DST: variants seen among roughly 807,000 people sequenced by gnomAD.
DST encodes the protein dystonin, also known as bullous pemphigoid antigen.
In DST, 253 loss-of-function variants were observed where a neutral mutation model predicts 875.2. The ratio of observed to expected loss-of-function variants is 0.29; its 90% CI spans 0.26 to 0.32. The LOEUF (loss-of-function observed/expected upper bound fraction) is 0.32, where lower values mean the gene tolerates loss of function less well. Ranked by LOEUF, DST falls within the 10% of genes least tolerant of loss-of-function variation. The probability of loss-of-function intolerance (pLI) is 1.00; values close to 1 mark genes in which losing one functional copy is unlikely to be tolerated. For synonymous variants in DST, 3,124 were observed against 3,197.1 expected (o/e 0.98, Z 0.77); for missense variants, 8,287 against 9,111.6 (o/e 0.91, Z 3.68).
chr6:56,573,464 A>G (rs2152616940), intron 51 of DST, among the ~76,000 whole-genome samples: 1 of 152,336 alleles, frequency 6.6e-6, no homozygotes, highest in South Asian at 2.1e-4. Flanking sequence ...AATGAATAAT[A>G]TTCAAGAAAA....
chr6:56,847,882 T>C (rs1391977515), intron 4 of DST, among the ~76,000 whole-genome samples: 1 of 152,260 alleles, frequency 6.6e-6, no homozygotes, highest in Non-Finnish European at 1.5e-5. Context: ...GCTTATTCTT[T>C]TTTATTTTAC....
chr6:56,461,475 A>G (rs536033620), intron 102 of DST: 1 of 152,378 alleles, frequency 6.6e-6, no homozygotes, highest in East Asian at 1.9e-4. Flanking sequence ...GTGAGAAGCC[A>G]CAAATTATGA....
intron 4 of DST, among the ~76,000 whole-genome samples, chr6:56,795,322 G>C (rs1317358689): frequency 3.9e-5 from 6 of 151,918 alleles, no homozygotes; most frequent in Non-Finnish European, 8.8e-5. Flanking sequence ...GTAAACAAAA[G>C]GAAAAAGTTA....
intron 4 of DST, among the ~76,000 whole-genome samples, chr6:56,760,083 A>C (rs1376822565): frequency 2.6e-5 from 4 of 152,268 alleles, no homozygotes; most frequent in Admixed American, 2.6e-4. Flanking sequence ...AAAGCAAAAA[A>C]GAAAATAACT....
At chr6:56,572,373 C>A in intron 52 of DST, 107 bp from the exon 53 acceptor site, 1 of 665,180 alleles carries the variant, frequency 1.5e-6, no homozygotes, top group Non-Finnish European at 2.3e-6. Flanking sequence ...CATAATTTCA[C>A]ATAAGAATGA....
At chr6:56,705,498 C>T (rs79806113) in intron 5 of DST, among the ~76,000 whole-genome samples, 2,421 of 152,318 alleles carry the variant, frequency 0.016, 37 homozygotes, top group Middle Eastern at 0.037. Flanking sequence ...GTAAGTCTCT[C>T]AGTCCCCAAA....
chr6:56,649,327 G>C (rs2098961346), intron 12 of DST, among the ~76,000 whole-genome samples: 1 of 152,190 alleles, frequency 6.6e-6, no homozygotes, highest in African/African-American at 2.4e-5. Context: ...AATACTTTAA[G>C]ATATAATACC....
Position 56,954,696 on chromosome 6 carries a change from G to C in DST, c.-109C>G. 1 of 673,152 alleles carries C rather than the reference G, an allele frequency of 1.5e-6. No individual in the cohort carries two copies. The highest frequency in any genetic ancestry group is 1.9e-6 in the Non-Finnish European group (1 of 532,958). The allele number at this position is 673,152 out of a possible 1,614,324, so 41.7% of individuals were successfully genotyped here. A position where few individuals can be genotyped will look rare whatever the true frequency, so the allele number is the denominator to read the frequency against. On this transcript the variant is annotated 5_prime_UTR_variant, in exon 1 of 104. Transcript: ENST00000680361. ...CGGGCACGGGTGAGCGCGGCTCAGCGCGTCATGCCTGGCGCTCGCGGCCCC... is the reference window on the plus strand; with the variant it reads ...CGGGCACGGGTGAGCGCGGCTCAGCCCGTCATGCCTGGCGCTCGCGGCCCC...
At chr6:56,511,957 G>C (rs2096486226) in intron 72 of DST, among the ~76,000 whole-genome samples, 1 of 151,954 alleles carries the variant, frequency 6.6e-6, no homozygotes. Context: ...GGAATGTTAG[G>C]GTGATGTAAG....
intron 9 of DST, chr6:56,692,565 T>C (rs1264323025): frequency 7.8e-7 from 1 of 1,289,584 alleles, no homozygotes; most frequent in Non-Finnish European, 1.0e-6. Context: ...TTTTTTCGAG[T>C]GATCTTTCTA....
intron 61 of DST, among the ~76,000 whole-genome samples, chr6:56,537,894 A>C (rs1406146918): frequency 6.6e-6 from 1 of 152,236 alleles, no homozygotes; most frequent in African/African-American, 2.4e-5. Flanking sequence ...TTTATTTGCC[A>C]AATTAATATC....
chr6:56,808,541 G>A (rs1172168906), intron 4 of DST, among the ~76,000 whole-genome samples: 1 of 152,128 alleles, frequency 6.6e-6, no homozygotes, highest in Non-Finnish European at 1.5e-5. Flanking sequence ...CTAATATGTT[G>A]TAATTGTTTC....
intron 10 of DST, among the ~76,000 whole-genome samples, chr6:56,654,489 T>C (rs2152802941): frequency 6.6e-6 from 1 of 152,026 alleles, no homozygotes; most frequent in East Asian, 1.9e-4. Flanking sequence ...CAGAGAGGTA[T>C]AGAAAAATGC....
At chr6:56,531,695 C>G (rs933200044) in intron 64 of DST, among the ~76,000 whole-genome samples, 2 of 152,110 alleles carry the variant, frequency 1.3e-5, no homozygotes, top group Non-Finnish European at 2.9e-5. Context: ...GTAGCTACTA[C>G]TATGGCTAGT....
intron 4 of DST, among the ~76,000 whole-genome samples, chr6:56,802,703 C>G (rs562077490): frequency 6.6e-6 from 1 of 152,112 alleles, no homozygotes; most frequent in Non-Finnish European, 1.5e-5. Context: ...ACATTACACC[C>G]ATTGATATCC....
chr6:56,929,516 T>A (rs1403866309), intron 2 of DST, among the ~76,000 whole-genome samples: 2 of 152,110 alleles, frequency 1.3e-5, no homozygotes, highest in African/African-American at 4.8e-5. Context: ...TCCTTGTGTA[T>A]GGAAAAATAA....
chr6:56,716,924 G>A (rs539212869), intron 5 of DST, among the ~76,000 whole-genome samples: 15 of 152,292 alleles, frequency 9.8e-5, no homozygotes, highest in Non-Finnish European at 2.2e-4. Context: ...GCTCACGCCT[G>A]TAATCCCAGC....
At chr6:56,842,444 T>A (rs530369946) in intron 4 of DST, among the ~76,000 whole-genome samples, 1 of 152,274 alleles carries the variant, frequency 6.6e-6, no homozygotes, top group Non-Finnish European at 1.5e-5. Context: ...AAATATCAGA[T>A]TGGCATAGAA....
rs752413558 is a variant in DST, at chr6:56,515,688, A to C, written c.18358-20T>G. Reference sequence around the variant, plus strand: ...TTTTTTCTAGAAAATAAAAGGATGAAATGTTTAACTGGTCAGGCCAACGAG... The same window carrying C: ...TTTTTTCTAGAAAATAAAAGGATGACATGTTTAACTGGTCAGGCCAACGAG... On this transcript the variant is annotated intron_variant, in intron 71 of 103. Coordinates refer to ENST00000680361, the MANE Select transcript of DST (RefSeq NM_001374736.1). 10 of 1,557,212 alleles carry C rather than the reference A, an allele frequency of 6.4e-6. No homozygotes were observed. Among genetic ancestry groups the C allele is most frequent in the African/African-American group, 2.7e-5 (2 of 73,506 alleles).
Sources: gnomAD v4.1 joint callset for allele counts (sites outside exome capture counted in the v4.1 genomes callset) on GRCh38, gnomAD v4.1.1 for gene constraint, MANE v1.5 for transcripts, NCBI Gene and HGNC (gene_info 2026-07-23, HGNC 2026-07-21) for gene names.